NAB1: variants seen among roughly 807,000 people sequenced by gnomAD.
NAB1 encodes the protein NGFI-A-binding protein 1.
A neutral mutation model predicts 49.9 loss-of-function variants in NAB1; 25 were observed. That is an observed-to-expected ratio of 0.50 (90% CI 0.37 to 0.70). The LOEUF is 0.70. Ranked by LOEUF, NAB1 falls within the 30% of genes least tolerant of loss-of-function variation. The probability of loss-of-function intolerance (pLI) is 0.00; values close to 1 mark genes in which losing one functional copy is unlikely to be tolerated. For missense variants in NAB1, 489 were observed against 575.9 expected, an observed-to-expected ratio of 0.85 and a Z score of 1.54; for synonymous variants, 198 against 215.6, an observed-to-expected ratio of 0.92 and a Z score of 0.71.
In NAB1 at chr2:190,657,124, C is replaced by A. The variant is rs1334702047; in HGVS notation, c.-20+971C>A. 6.6e-6 allele frequency among the ~76,000 whole-genome samples: 1 copy of A among 152,130 alleles called. No individual in the cohort carries two copies. The highest frequency in any genetic ancestry group is 2.1e-4 in the South Asian group (1 of 4,822). ...AGGAAAGTAAATGTCCTTTCTTCCACCTCCAACACTTTATAGCAGCCCTTC... is the reference window on the plus strand; with the variant it reads ...AGGAAAGTAAATGTCCTTTCTTCCAACTCCAACACTTTATAGCAGCCCTTC... On this transcript the variant is annotated intron_variant, in intron 3 of 9. Coordinates refer to ENST00000337386, the MANE Select transcript of NAB1 (RefSeq NM_005966.4). The surrounding 1 kb of genome is among the most constrained non-coding windows in gnomAD (Gnocchi z 4.4).
At chr2:190,668,223 C>A (rs1396143464) in intron 4 of NAB1, among the ~76,000 whole-genome samples, 2 of 151,716 alleles carry the variant, frequency 1.3e-5, no homozygotes, top group Non-Finnish European at 2.9e-5. Context: ...TTTAGTATAC[C>A]CTGTGACCTA....
chr2:190,648,899 C>T (rs999753902), upstream of NAB1: 1 of 150,352 alleles, frequency 6.7e-6, no homozygotes, highest in Non-Finnish European at 1.5e-5. Context: ...ATCTGCGTCA[C>T]TCGGCCGCGC....
At chr2:190,661,221 G>GT (rs2125632678) in intron 4 of NAB1, among the ~76,000 whole-genome samples, 1 of 152,304 alleles carries the variant, frequency 6.6e-6, no homozygotes, top group South Asian at 2.1e-4. Context: ...ATGAGCCACT[G>GT]TACCTAGCCT....
Position 190,649,436 on chromosome 2 carries a change from C to A in NAB1, c.-334+76C>A. On this transcript the variant is annotated intron_variant, in intron 1 of 9. Coordinates refer to ENST00000337386, the MANE Select transcript of NAB1 (RefSeq NM_005966.4). This position sits in a 1 kb window ranked among gnomAD's most constrained non-coding sequence, Gnocchi z 6.1. ...ACTTTCGCGGCTGAGCGGCCACGGG[C>A]GAACTTGGGGCGGCTGAGTCGCGGG... The A allele has an allele frequency of 6.6e-6, 1 of 152,282 alleles. No individual in the cohort carries two copies. The highest frequency in any genetic ancestry group is 1.5e-5 in the Non-Finnish European group (1 of 68,080). 9.4% of individuals were successfully genotyped at this position (152,282 alleles called of 1,614,324 possible).
chr2:190,654,528 C>T lies in NAB1; in HGVS notation c.-196-1449C>T, dbSNP rs1440546421. ...GGCACAGGGGCAGGGAAGTGGAAGG[C>T]ATATTTGAGGAATGCCTAGTGTATC... On this transcript the variant is annotated intron_variant, in intron 2 of 9. Coordinates refer to ENST00000337386, the MANE Select transcript of NAB1 (RefSeq NM_005966.4). This position sits in a 1 kb window ranked among gnomAD's most constrained non-coding sequence, Gnocchi z 5.6. Among the ~76,000 whole-genome samples, 2 of 152,032 alleles carry T rather than the reference C, an allele frequency of 1.3e-5. No homozygotes were observed. The highest frequency in any genetic ancestry group is 2.9e-5 in the Non-Finnish European group (2 of 68,026).
Position 190,677,807 on chromosome 2 carries a change from C to T in NAB1, c.1005+4655C>T, listed in dbSNP as rs1048648026. 6.6e-6 allele frequency among the ~76,000 whole-genome samples: 1 copy of T among 152,114 alleles called. No homozygotes were observed. The highest frequency in any genetic ancestry group is 2.1e-4 in the South Asian group (1 of 4,828). On this transcript the variant is annotated intron_variant, in intron 6 of 9. Transcript: ENST00000337386. The surrounding 1 kb of genome is among the most constrained non-coding windows in gnomAD (Gnocchi z 5.6). ...CAGAGCCGGGGCTTCCTATCTATGT[C>T]TGATTCCTGAATGTCAAAGCAGTAC...
intron 6 of NAB1, among the ~76,000 whole-genome samples, chr2:190,673,714 A>C (rs1694935405): frequency 6.6e-6 from 1 of 152,180 alleles, no homozygotes. Context: ...TAGTAGCTAT[A>C]AATTACAGAG....
In NAB1 at chr2:190,691,022, A is replaced by G. The variant is rs1386217472; in HGVS notation, c.*689A>G. The G allele has an allele frequency of 6.6e-6, 1 of 152,620 alleles. No homozygotes were observed. The highest frequency in any genetic ancestry group is 1.9e-4 in the East Asian group (1 of 5,202). 9.5% of individuals were successfully genotyped at this position (152,620 alleles called of 1,614,324 possible). ...GAGGAAAGTTAAAAAGATGAGCAAT[A>G]GAGTAGAAAATATATCTTAAACTAG... On this transcript the variant is annotated 3_prime_UTR_variant, in exon 10 of 10. Transcript: ENST00000337386. This position sits in a 1 kb window ranked among gnomAD's most constrained non-coding sequence, Gnocchi z 4.1.
At chr2:190,660,700 T>G (rs1161179507) in intron 4 of NAB1, among the ~76,000 whole-genome samples, 1 of 152,200 alleles carries the variant, frequency 6.6e-6, no homozygotes. Context: ...TTCTGTAATC[T>G]TTTCCTTCAA....
chr2:190,672,015 C>A (rs1048182305), intron 5 of NAB1, among the ~76,000 whole-genome samples: 5 of 152,024 alleles, frequency 3.3e-5, no homozygotes, highest in Admixed American at 2.0e-4. Flanking sequence ...ACCTTGTAAT[C>A]CACCCACCTT....
rs1693811767 is a variant in NAB1 at position 190,654,267 on chromosome 2, ATTGT to A, written c.-196-1707_-196-1704del. Among the ~76,000 whole-genome samples, 1 of 152,124 alleles carries A rather than the reference ATTGT, an allele frequency of 6.6e-6. No homozygotes were observed. Among genetic ancestry groups the A allele is most frequent in the African/African-American group, 2.4e-5 (1 of 41,428 alleles). On this transcript the variant is annotated intron_variant, in intron 2 of 9. Transcript: ENST00000337386. This position sits in a 1 kb window ranked among gnomAD's most constrained non-coding sequence, Gnocchi z 5.6. Reference sequence around the variant, plus strand: ...TTCACAGCTGCACAGCATTTACCACATTGTTTAAGTCTCTGCTTCTTGTCTCTCC... The same window carrying A: ...TTCACAGCTGCACAGCATTTACCACATTAAGTCTCTGCTTCTTGTCTCTCC...
At position 190,666,970 on chromosome 2, in the gene NAB1, TG is replaced by T. The variant is rs1165653758; in HGVS notation, c.820-3355del. On this transcript the variant is annotated intron_variant, in intron 4 of 9. Transcript: ENST00000337386. This position sits in a 1 kb window ranked among gnomAD's most constrained non-coding sequence, Gnocchi z 5.6. Reference sequence around the variant, plus strand: ...GTAATTATATCATGATAGTTATTGATGTGTTCATTATTAGCAGCTAGGGAGC... The same window carrying T: ...GTAATTATATCATGATAGTTATTGATTGTTCATTATTAGCAGCTAGGGAGC... 1.3e-5 allele frequency among the ~76,000 whole-genome samples: 2 copies of T among 152,232 alleles called. No homozygotes were observed. The highest frequency in any genetic ancestry group is 4.8e-5 in the African/African-American group (2 of 41,464).
In NAB1 at chr2:190,677,194, T is replaced by C. The variant is rs1373099362; in HGVS notation, c.1005+4042T>C. The C allele has an allele frequency of 2.0e-5, 3 of 152,056 alleles. No individual in the cohort carries two copies. The East Asian group carries it at 5.8e-4, about 29-fold the overall frequency. The allele number at this position is 152,056 out of a possible 1,614,324, so 9.4% of individuals were successfully genotyped here. ...TTCCCCCTTAAAGGATAGTTACTTA[T>C]TTGATTTAAAAAAAAAATAGCAGTA... On this transcript the variant is annotated intron_variant, in intron 6 of 9. Transcript: ENST00000337386. The surrounding 1 kb of genome is among the most constrained non-coding windows in gnomAD (Gnocchi z 5.6).
rs768613154 is a variant in NAB1, at chr2:190,667,116, G to C, written c.820-3210G>C. ...CTTCTCCAGCCTCAGTTTTTTACCA[G>C]GTTCCCTGAGGGCCTGGAGTTTAGT... On this transcript the variant is annotated intron_variant, in intron 4 of 9. Coordinates refer to ENST00000337386, the MANE Select transcript of NAB1 (RefSeq NM_005966.4). The surrounding 1 kb of genome is among the most constrained non-coding windows in gnomAD (Gnocchi z 4.4). Among the ~76,000 whole-genome samples the C allele has an allele frequency of 6.6e-6, 1 of 152,180 alleles. No individual in the cohort carries two copies. The highest frequency in any genetic ancestry group is 1.5e-5 in the Non-Finnish European group (1 of 68,024).
Position 190,664,586 on chromosome 2 carries a change from C to CTTTTTTTTTTTTTT in NAB1, c.819+4606_819+4619dup, listed in dbSNP as rs71027237. ...TCTTCCTCTCTTTCTTTCTTCTTTC[C>CTTTTTTTTTTTTTT]TTTTTTTTTTTTTTTTTTTTTTTTT... is the stretch of plus-strand genomic sequence containing the variant. On this transcript the variant is annotated intron_variant, in intron 4 of 9. Coordinates refer to ENST00000337386, the MANE Select transcript of NAB1 (RefSeq NM_005966.4). 1.8e-4 allele frequency among the ~76,000 whole-genome samples: 11 copies of CTTTTTTTTTTTTTT among 61,154 alleles called. 3 individuals carry two copies. Among genetic ancestry groups the CTTTTTTTTTTTTTT allele is most frequent in the African/African-American group, 2.6e-4 (4 of 15,256 alleles). The allele number at this position is 61,154 out of a possible 152,430, so 40.1% of individuals were successfully genotyped here.
chr2:190,685,209 G>A lies in NAB1; in HGVS notation c.1096-267G>A, dbSNP rs896226287. ...TTAGTACCTTGGAAAACAAAGCTAA[G>A]GTTATGTTGCTTTTGAGCTGACATG... On this transcript the variant is annotated intron_variant, in intron 7 of 9. Transcript: ENST00000337386. The surrounding 1 kb of genome is among the most constrained non-coding windows in gnomAD (Gnocchi z 4.5). 2.0e-5 allele frequency among the ~76,000 whole-genome samples: 3 copies of A among 152,312 alleles called. No individual in the cohort carries two copies. Among genetic ancestry groups the A allele is most frequent in the Non-Finnish European group, 4.4e-5 (3 of 68,020 alleles).
chr2:190,666,934 A>T lies in NAB1; in HGVS notation c.820-3392A>T, dbSNP rs13427933. On this transcript the variant is annotated intron_variant, in intron 4 of 9. Coordinates refer to ENST00000337386, the MANE Select transcript of NAB1 (RefSeq NM_005966.4). The surrounding 1 kb of genome is among the most constrained non-coding windows in gnomAD (Gnocchi z 5.6). ...TTCCCAACTGCTTGGGAATATTTTC[A>T]TTTTTCTTTTGTAATTATATCATGA... 0.1 allele frequency among the ~76,000 whole-genome samples: 15,718 copies of T among 152,046 alleles called. 1,392 individuals are homozygous for T. Among genetic ancestry groups the T allele is most frequent in the African/African-American group, 0.23 (9,493 of 41,434 alleles).
In NAB1 at chr2:190,669,123, T is replaced by G. The variant is rs1375628376; in HGVS notation, c.820-1203T>G. ...CTGACAGCCAGGAGTATAGACAGTG[T>G]AGATACACTGGACAAAGGGATGATT... On this transcript the variant is annotated intron_variant, in intron 4 of 9. Coordinates refer to ENST00000337386, the MANE Select transcript of NAB1 (RefSeq NM_005966.4). The surrounding 1 kb of genome is among the most constrained non-coding windows in gnomAD (Gnocchi z 4.3). Among the ~76,000 whole-genome samples the G allele has an allele frequency of 6.6e-6, 1 of 152,176 alleles. No individual in the cohort carries two copies. The highest frequency in any genetic ancestry group is 6.5e-5 in the Admixed American group (1 of 15,282).
intron 5 of NAB1, among the ~76,000 whole-genome samples, chr2:190,672,871 T>C (rs1451432613): frequency 6.6e-6 from 1 of 152,108 alleles, no homozygotes; most frequent in Non-Finnish European, 1.5e-5. Flanking sequence ...AGTTCTTAGG[T>C]AGTGGCCTTT....
Sources: gnomAD v4.1 joint callset for allele counts (sites outside exome capture counted in the v4.1 genomes callset) on GRCh38, gnomAD v4.1.1 for gene constraint, Gnocchi (gnomAD v3.1) non-coding constraint, MANE v1.5 for transcripts, NCBI Gene and HGNC (gene_info 2026-07-23, HGNC 2026-07-21) for gene names.